EYA1: variants seen among roughly 807,000 people sequenced by gnomAD.
EYA1 encodes the protein protein phosphatase EYA1.
EYA1 carries 16 observed loss-of-function variants against 82.0 expected under a neutral mutation model. The observed-to-expected ratio is 0.20, with a 90% CI of 0.13 to 0.30. The LOEUF (loss-of-function observed/expected upper bound fraction) is 0.30, where lower values mean the gene tolerates loss of function less well. EYA1 is among the 10% of genes least tolerant of loss of function. The pLI is 1.00. For synonymous variants in EYA1, 261 were observed against 264.4 expected (o/e 0.99, Z 0.12); for missense variants, 633 against 730.7 (o/e 0.87, Z 1.54).
At chr8:71,371,336 A>T (rs900845067) in intron 2 of EYA1, among the ~76,000 whole-genome samples, 1 of 152,148 alleles carries the variant, frequency 6.6e-6, no homozygotes, top group African/African-American at 2.4e-5. Flanking sequence ...CTTCCTCCAT[A>T]ACTTTTCCTC....
chr8:71,326,877 A>G (rs1321556378), intron 4 of EYA1, among the ~76,000 whole-genome samples: 2 of 152,124 alleles, frequency 1.3e-5, no homozygotes, highest in South Asian at 2.1e-4. Flanking sequence ...TGCATCAAAC[A>G]GTGACCTCTC....
At chr8:71,507,749 C>T (rs1038363144) in intron 2 of EYA1, among the ~76,000 whole-genome samples, 5 of 152,110 alleles carry the variant, frequency 3.3e-5, no homozygotes, top group African/African-American at 1.2e-4. Context: ...AAGCAAGATG[C>T]AAACCAGTGG....
intron 2 of EYA1, among the ~76,000 whole-genome samples, chr8:71,382,845 T>C (rs1277329962): frequency 6.6e-6 from 1 of 152,054 alleles, no homozygotes; most frequent in African/African-American, 2.4e-5. Flanking sequence ...CTCAAGAAGA[T>C]TCTATAACGA....
intron 2 of EYA1, among the ~76,000 whole-genome samples, chr8:71,424,830 G>C (rs1456901462): frequency 6.6e-6 from 1 of 152,000 alleles, no homozygotes; most frequent in Non-Finnish European, 1.5e-5. Flanking sequence ...CTTCCTTCCT[G>C]CGGCTCTACG....
intron 1 of EYA1, among the ~76,000 whole-genome samples, chr8:71,361,180 C>T (rs1827337567): frequency 1.3e-5 from 2 of 152,094 alleles, no homozygotes; most frequent in Non-Finnish European, 2.9e-5. Flanking sequence ...TATCTGTTGT[C>T]CTTTCAAATG....
At chr8:71,442,950 C>T (rs1806539497) in intron 2 of EYA1, among the ~76,000 whole-genome samples, 1 of 152,162 alleles carries the variant, frequency 6.6e-6, no homozygotes, top group Admixed American at 6.5e-5. Flanking sequence ...AGAACTATTA[C>T]AGGACTCTAT....
intron 12 of EYA1, among the ~76,000 whole-genome samples, chr8:71,226,780 A>C (rs1345466876): frequency 6.6e-6 from 1 of 151,596 alleles, no homozygotes; most frequent in East Asian, 2.0e-4. Flanking sequence ...GTATACAATA[A>C]ATACTATCTC....
At chr8:71,422,510 A>G (rs1397343919) in intron 2 of EYA1, among the ~76,000 whole-genome samples, 1 of 152,120 alleles carries the variant, frequency 6.6e-6, no homozygotes, top group Non-Finnish European at 1.5e-5. Flanking sequence ...TGTGGTCTGT[A>G]TATTCTTAGG....
rs192868622 is a variant in EYA1 at position 71,457,734 on chromosome 8, G to C, written c.33+78010C>G. ...AATGAGAACACTTGGACACAGGAAGGGGAACATCACACACAGGGGCCTGTA... is the reference window on the plus strand; with the variant it reads ...AATGAGAACACTTGGACACAGGAAGCGGAACATCACACACAGGGGCCTGTA... On this transcript the variant is annotated intron_variant, in intron 2 of 18. Coordinates refer to the EYA1 transcript ENST00000643681. 1.0e-3 allele frequency among the ~76,000 whole-genome samples: 152 copies of C among 152,242 alleles called. 2 individuals carry two copies. The East Asian group carries it at 0.024, about 24-fold the overall frequency.
intron 9 of EYA1, among the ~76,000 whole-genome samples, chr8:71,296,775 C>G (rs1819647617): frequency 6.6e-6 from 1 of 151,994 alleles, no homozygotes; most frequent in South Asian, 2.1e-4. Flanking sequence ...GTTTTATGTA[C>G]TTTACCATCA....
intron 17 of EYA1, chr8:71,200,242 T>C (rs948221507): frequency 1.3e-5 from 2 of 152,196 alleles, no homozygotes; most frequent in African/African-American, 2.4e-5. Context: ...ATAGGATTCT[T>C]AAGCAAAAAA....
intron 11 of EYA1, among the ~76,000 whole-genome samples, chr8:71,257,802 C>T (rs950562827): frequency 5.9e-5 from 9 of 152,116 alleles, no homozygotes; most frequent in South Asian, 2.1e-4. Flanking sequence ...GGAGAAATCC[C>T]GGTGTAATTT....
At chr8:71,376,123 C>G (rs544239808) in intron 2 of EYA1, among the ~76,000 whole-genome samples, 33 of 152,194 alleles carry the variant, frequency 2.2e-4, no homozygotes, top group African/African-American at 7.9e-4. Flanking sequence ...TTATAGTTAG[C>G]CAAAGAGGGC....
rs759423235 is a variant in EYA1 at position 71,322,522 on chromosome 8, G to A, written c.203-254C>T. ...CTTAGAAAACGTCATCACAATCTTC[G>A]CAAATACCTGCTGGCATGCTGTGAG... On this transcript the variant is annotated intron_variant, in intron 4 of 17. Coordinates refer to ENST00000340726, the MANE Select transcript of EYA1 (RefSeq NM_000503.6). The A allele has an allele frequency of 6.2e-5, 30 of 486,036 alleles. No homozygotes were observed. The East Asian group carries it at 7.3e-4, about 12-fold the overall frequency. 30.1% of individuals were successfully genotyped at this position (486,036 alleles called of 1,614,324 possible).
Position 71,385,774 on chromosome 8 carries a change from A to G in EYA1, c.34-29263T>C, listed in dbSNP as rs550203754. Among the ~76,000 whole-genome samples the G allele has an allele frequency of 4.1e-4, 62 of 152,362 alleles. No homozygotes were observed. In the South Asian group the frequency reaches 0.013, roughly 31 times the overall value. On this transcript the variant is annotated intron_variant, in intron 2 of 18. Coordinates refer to the EYA1 transcript ENST00000643681. ...AATCCTTCTAAGTAAATATAGTTGT[A>G]CTGGAATTTAGATAATTTTGAAACT...
At chr8:71,380,063 G>C (rs1487861068) in intron 2 of EYA1, among the ~76,000 whole-genome samples, 1 of 152,142 alleles carries the variant, frequency 6.6e-6, no homozygotes, top group Non-Finnish European at 1.5e-5. Flanking sequence ...GACTCTTCTT[G>C]CACGATGTTG....
rs138686714 is a variant in EYA1 at position 71,395,172 on chromosome 8, C to G, written c.34-38661G>C. On this transcript the variant is annotated intron_variant, in intron 2 of 18. Coordinates refer to the EYA1 transcript ENST00000643681. Reference sequence around the variant, plus strand: ...CTGAGACTTTGCCGAAGTTGCTTATCAGCTTAAGGAGATTTTGGGCTGAGA... The same window carrying G: ...CTGAGACTTTGCCGAAGTTGCTTATGAGCTTAAGGAGATTTTGGGCTGAGA... Among the ~76,000 whole-genome samples, 111 of 152,350 alleles carry G rather than the reference C, an allele frequency of 7.3e-4. 1 individual carries two copies. In the East Asian group the frequency reaches 0.02, roughly 27 times the overall value.
intron 3 of EYA1, among the ~76,000 whole-genome samples, chr8:71,342,003 T>C (rs144108881): frequency 2.5e-4 from 38 of 152,318 alleles, no homozygotes; most frequent in African/African-American, 8.9e-4. Flanking sequence ...TCCTTTGTAA[T>C]GTCTTTTACA....
chr8:71,279,877 T>C (rs972871738), intron 9 of EYA1, among the ~76,000 whole-genome samples: 4 of 152,302 alleles, frequency 2.6e-5, no homozygotes, highest in Admixed American at 2.6e-4. Context: ...TCCTATACCC[T>C]AGAGCAAGGC....
Sources: allele counts gnomAD v4.1 joint callset (sites outside exome capture counted in the v4.1 genomes callset), GRCh38; gene constraint gnomAD v4.1.1; transcripts MANE v1.5; gene names NCBI Gene and HGNC (gene_info 2026-07-23, HGNC 2026-07-21).